Variants in CUTC observed in about 807,000 individuals in gnomAD.
The protein encoded by CUTC is copper homeostasis protein cutC homolog.
CUTC carries 27 observed loss-of-function variants against 36.2 expected under a neutral mutation model. That is an observed-to-expected ratio of 0.75 (90% CI 0.55 to 1.03). The LOEUF (loss-of-function observed/expected upper bound fraction) is 1.03, where lower values mean the gene tolerates loss of function less well. Ranked by LOEUF, CUTC falls within the 50% of genes least tolerant of loss-of-function variation. The pLI is 0.00. For synonymous variants in CUTC, 114 were observed against 118.3 expected (o/e 0.96, Z 0.24); for missense variants, 315 against 343.5 (o/e 0.92, Z 0.66).
At chr10:99,744,917 TA>T (rs2037367773) in intron 5 of CUTC, among the ~76,000 whole-genome samples, 1 of 152,202 alleles carries the variant, frequency 6.6e-6, no homozygotes, top group South Asian at 2.1e-4. Flanking sequence ...CATGCCCAGC[TA>T]ATTTTTGGAT....
intron 3 of CUTC, among the ~76,000 whole-genome samples, chr10:99,740,702 A>G (rs2037335041): frequency 6.6e-6 from 1 of 152,078 alleles, no homozygotes. Context: ...TCCCTCCTTT[A>G]GAGACTTAAG....
At chr10:99,738,322 TA>T (rs1243427313) in intron 2 of CUTC, among the ~76,000 whole-genome samples, 3 of 151,782 alleles carry the variant, frequency 2.0e-5, no homozygotes, top group Non-Finnish European at 4.4e-5. Flanking sequence ...AACACACCTT[TA>T]AAAAAATCAT....
intron 3 of CUTC, among the ~76,000 whole-genome samples, chr10:99,741,102 T>C (rs963206410): frequency 1.3e-5 from 2 of 152,242 alleles, no homozygotes; most frequent in East Asian, 1.9e-4. Flanking sequence ...TAATTTTTTA[T>C]TGGATGCAAG....
intron 5 of CUTC, among the ~76,000 whole-genome samples, chr10:99,744,619 T>C (rs1222999396): frequency 2.0e-5 from 3 of 152,202 alleles, no homozygotes; most frequent in Non-Finnish European, 4.4e-5. Context: ...GTGTTGACTA[T>C]CTAGTCAATG....
At chr10:99,732,706 A>C in intron 1 of CUTC, 8 of 1,149,888 alleles carry the variant, frequency 7.0e-6, no homozygotes, top group Non-Finnish European at 9.1e-6. Context: ...TTCCGTCGCC[A>C]CACGAGGATG....
At chr10:99,749,875 T>C (rs893803838) in intron 6 of CUTC, among the ~76,000 whole-genome samples, 1 of 152,194 alleles carries the variant, frequency 6.6e-6, no homozygotes, top group African/African-American at 2.4e-5. Context: ...TTCTTGAATG[T>C]GTAAGCTCCA....
chr10:99,743,472 C>A, intron 4 of CUTC, 110 bp downstream of exon 4: 1 of 922,440 alleles, frequency 1.1e-6, no homozygotes. Context: ...GCTACAGACA[C>A]TTATACTAAC....
chr10:99,755,814 T>A lies in CUTC; in HGVS notation c.*75T>A, dbSNP rs2037453175. ...AATCTGCAATTCTCTATGACACAGC[T>A]TTAACCTTCTTCTCTGGCCAGGACA... is the stretch of plus-strand genomic sequence containing the variant. On this transcript the variant is annotated 3_prime_UTR_variant, in exon 9 of 9. Transcript: ENST00000370476. 4 of 936,118 alleles carry A rather than the reference T, an allele frequency of 4.3e-6. No individual in the cohort carries two copies. The highest frequency in any genetic ancestry group is 6.8e-6 in the Non-Finnish European group (4 of 587,670). The allele number at this position is 936,118 out of a possible 1,614,324, so 58.0% of individuals were successfully genotyped here.
intron 8 of CUTC, among the ~76,000 whole-genome samples, chr10:99,755,208 C>A (rs1270471740): frequency 6.6e-6 from 1 of 152,002 alleles, no homozygotes; most frequent in Non-Finnish European, 1.5e-5. Context: ...AGATGGCTGG[C>A]TGGGTGAGGT....
At chr10:99,740,609 T>C (rs1002989906) in intron 3 of CUTC, among the ~76,000 whole-genome samples, 1 of 152,130 alleles carries the variant, frequency 6.6e-6, no homozygotes, top group South Asian at 2.1e-4. Flanking sequence ...TACCTGAGTA[T>C]AGTTTTTTCA....
At chr10:99,737,805 A>G (rs1304232888) in intron 2 of CUTC, among the ~76,000 whole-genome samples, 1 of 152,088 alleles carries the variant, frequency 6.6e-6, no homozygotes, top group Admixed American at 6.5e-5. Flanking sequence ...CTTTGAAGCA[A>G]ATCCCAGACA....
chr10:99,736,352 A>T (rs1229655262), intron 2 of CUTC, 35 bp downstream of exon 2: 5 of 1,511,714 alleles, frequency 3.3e-6, no homozygotes, highest in Non-Finnish European at 4.6e-6. Flanking sequence ...ACCGTTGGCT[A>T]CCCTTTTAAG....
chr10:99,751,201 G>A (rs368110769), intron 7 of CUTC, among the ~76,000 whole-genome samples: 151 of 152,224 alleles, frequency 9.9e-4, no homozygotes, highest in African/African-American at 3.1e-3. Context: ...TAAAAAGGGT[G>A]GGATGTTACC....
chr10:99,738,755 G>C (rs79690224), intron 2 of CUTC, among the ~76,000 whole-genome samples: 14 of 152,110 alleles, frequency 9.2e-5, no homozygotes, highest in African/African-American at 3.4e-4. Flanking sequence ...CATCACATCA[G>C]GAGGACATAA....
intron 8 of CUTC, 116 bp downstream of exon 8, chr10:99,754,750 A>AATACT: frequency 2.9e-6 from 2 of 696,978 alleles, no homozygotes; most frequent in East Asian, 2.6e-5. Context: ...TGACTACTAC[A>AATACT]TAAGTATTGT....
chr10:99,736,341 G>A (rs1283621642), intron 2 of CUTC, 24 bp downstream of exon 2: 4 of 1,560,406 alleles, frequency 2.6e-6, no homozygotes, highest in Non-Finnish European at 3.5e-6. Flanking sequence ...GATAGTGAAT[G>A]ACCGTTGGCT....
At chr10:99,750,719 A>C (rs1005039016) in intron 7 of CUTC, among the ~76,000 whole-genome samples, 3 of 152,314 alleles carry the variant, frequency 2.0e-5, no homozygotes, top group Admixed American at 2.0e-4. Context: ...ATCTCTGGTG[A>C]GGCACATCAA....
chr10:99,733,455 A>G (rs1416001074), intron 1 of CUTC, among the ~76,000 whole-genome samples: 5 of 152,178 alleles, frequency 3.3e-5, no homozygotes, highest in Admixed American at 6.5e-5. Flanking sequence ...GAGTGGAAAT[A>G]TATTTTTGCA....
At chr10:99,753,845 T>C (rs909414955) in intron 7 of CUTC, among the ~76,000 whole-genome samples, 5 of 152,180 alleles carry the variant, frequency 3.3e-5, no homozygotes, top group Admixed American at 1.3e-4. Flanking sequence ...AGTACATAGT[T>C]TTAAAATATT....
Sources: gnomAD v4.1 joint callset for allele counts (sites outside exome capture counted in the v4.1 genomes callset) on GRCh38, gnomAD v4.1.1 for gene constraint, MANE v1.5 for transcripts, NCBI Gene and HGNC (gene_info 2026-07-23, HGNC 2026-07-21) for gene names.